SPTBN5: variants seen among roughly 807,000 people sequenced by gnomAD.
SPTBN5 encodes the protein spectrin beta, non-erythrocytic 5.
SPTBN5 carries 513 observed loss-of-function variants against 477.6 expected under a neutral mutation model. That is an observed-to-expected ratio of 1.07 (90% confidence interval 1.00 to 1.16). SPTBN5 has a LOEUF of 1.16. Among genes scored for constraint, SPTBN5 ranks in the 50% most tolerant of loss-of-function variants. SPTBN5 has a pLI of 0.00. For missense variants in SPTBN5, 5,062 were observed against 4,731.8 expected (o/e 1.07, Z -2.05); for synonymous variants, 2,169 against 2,011.7 (o/e 1.08, Z -2.09).
At chr15:41,880,066 G>T in intron 14 of SPTBN5, 94 bp downstream of exon 14, 1 of 1,466,102 alleles carries the variant, frequency 6.8e-7, no homozygotes, top group Non-Finnish European at 9.1e-7. Flanking sequence ...CCCCAGGCAG[G>T]ACGGTAGTTA....
chr15:41,860,378 G>A (rs1354187076), intron 47 of SPTBN5, among the ~76,000 whole-genome samples: 2 of 152,382 alleles, frequency 1.3e-5, no homozygotes, highest in East Asian at 1.9e-4. Context: ...AGAAGGAAGT[G>A]GGATTTTCCA....
chr15:41,865,885 C>T lies in SPTBN5; in HGVS notation c.6841G>A (p.Gly2281Ser), dbSNP rs2066288671. The T allele has an allele frequency of 6.3e-7, 1 of 1,582,474 alleles. No individual in the cohort carries two copies. The highest frequency in any genetic ancestry group is 8.6e-7 in the Non-Finnish European group (1 of 1,164,810). Residue 2281 changes from glycine (G) to serine (S), a missense_variant, in exon 39 of 68, where the codon GGT becomes AGT. Coordinates refer to ENST00000320955, the MANE Select transcript of SPTBN5 (RefSeq NM_016642.4). The part of the protein sequence containing the change: ...IQEKEVKMNV[G>S]DLGQDLEHCL... The stretch of plus-strand genomic sequence containing the variant: ...TGCTCCAGGTCCTGGCCCAGGTCAC[C>T]AACATTCATCTTCACCTCCTGTGAA...
intron 47 of SPTBN5, among the ~76,000 whole-genome samples, chr15:41,859,227 C>G (rs980604696): frequency 6.6e-6 from 1 of 152,132 alleles, no homozygotes; most frequent in Admixed American, 6.5e-5. Context: ...GGCACAATCT[C>G]GGCTCACTGC....
In SPTBN5 at chr15:41,865,896, T is replaced by G; in HGVS notation, c.6830A>C (p.Lys2277Thr). The G allele has an allele frequency of 1.9e-6, 3 of 1,579,674 alleles. No homozygotes were observed. Among genetic ancestry groups the G allele is most frequent in the Non-Finnish European group, 2.6e-6 (3 of 1,163,164 alleles). ...CTGGCCCAGGTCACCAACATTCATC[T>G]TCACCTCCTGTGAAGGCCGAGGGTG... ...AEAWIQEKEVKMNVGDLGQDL... is the reference protein window; with the variant it reads ...AEAWIQEKEVTMNVGDLGQDL... The change falls in exon 39 of 68, where the codon AAG becomes ACG. Residue 2277 changes from lysine to threonine, a missense_variant. Coordinates refer to ENST00000320955, the MANE Select transcript of SPTBN5 (RefSeq NM_016642.4).
rs764595912 is a variant in SPTBN5 at position 41,879,299 on chromosome 15, A to T, written c.3143T>A (p.Leu1048Gln). 1 of 1,611,844 alleles carries T rather than the reference A, an allele frequency of 6.2e-7. No homozygotes were observed. The highest frequency in any genetic ancestry group is 8.5e-7 in the Non-Finnish European group (1 of 1,179,844). The change falls in exon 16 of 68, where the codon CTG (leucine) becomes CAG (glutamine). Residue 1048 changes from leucine (L) to glutamine (Q), a missense_variant. Physicochemically the swap from Leu to Gln is moderately radical, Grantham distance 113 (BLOSUM62 -2). Transcript: ENST00000320955. ...TTGGAGGAAGTGGACCCTCCTCTCC[A>T]GCACCAGGGTCTTCTTCTGGGCCAG... ...LQLAQKKTLV[L>Q]ERRVHFLQSV...
chr15:41,868,442 G>C lies in SPTBN5; in HGVS notation c.6013C>G (p.Leu2005Val). The C allele has an allele frequency of 6.2e-7, 1 of 1,609,266 alleles. No individual in the cohort carries two copies. The highest frequency in any genetic ancestry group is 1.1e-5 in the South Asian group (1 of 90,924). Residue 2005 changes from leucine (L) to valine (V), a missense_variant, in exon 33 of 68, where the codon CTG (leucine) becomes GTG (valine). By Grantham distance (32) the Leu-to-Val change is conservative (BLOSUM62 1). Coordinates refer to ENST00000320955, the MANE Select transcript of SPTBN5 (RefSeq NM_016642.4). Reference protein sequence around the residue: ...REKLWQQATQLGQQALLAAGT... With the variant: ...REKLWQQATQVGQQALLAAGT... ...GCAGCAAGAAGTGCCTGCTGCCCCA[G>C]CTGGGTGGCCTGCTGCCACAGCTTC... is the stretch of plus-strand genomic sequence containing the variant.
In SPTBN5 at chr15:41,873,946, T is replaced by C. The variant is rs760247046; in HGVS notation, c.4789A>G (p.Ile1597Val). The change falls in exon 25 of 68, where the codon ATC (isoleucine) becomes GTC (valine). Residue 1597 changes from isoleucine to valine, a missense_variant. By Grantham distance (29) the Ile-to-Val change is conservative. Coordinates refer to ENST00000320955, the MANE Select transcript of SPTBN5 (RefSeq NM_016642.4). ...AASGHPQAQH[I>V]VEQCQELEGH... ...TCCAGCTCCTGGCACTGCTCCACGA[T>C]GTGTTGGGCTTGGGGGTGCCCTGAG... The C allele has an allele frequency of 5.0e-6, 8 of 1,609,820 alleles. No individual in the cohort carries two copies. In the South Asian group the frequency reaches 8.8e-5, roughly 18 times the overall value.
At chr15:41,861,659 T>C (rs1208390679) in intron 45 of SPTBN5, 76 bp downstream of exon 45, 1 of 1,503,838 alleles carries the variant, frequency 6.6e-7, no homozygotes. Flanking sequence ...GTCTTAGCCT[T>C]GACCAGAGGC....
At chr15:41,862,385 C>T in intron 43 of SPTBN5, 93 bp from the exon 44 acceptor site, 2 of 1,522,522 alleles carry the variant, frequency 1.3e-6, no homozygotes, top group Non-Finnish European at 1.8e-6. Flanking sequence ...CCCTCAACCA[C>T]AGGAGGGCCC....
chr15:41,865,882 C>G lies in SPTBN5; in HGVS notation c.6844G>C (p.Asp2282His). ...QEKEVKMNVG[D>H]LGQDLEHCLQ... is the part of the protein sequence containing the mutation. Reference sequence around the variant, plus strand: ...CAGTGCTCCAGGTCCTGGCCCAGGTCACCAACATTCATCTTCACCTCCTGT... The same window carrying G: ...CAGTGCTCCAGGTCCTGGCCCAGGTGACCAACATTCATCTTCACCTCCTGT... Residue 2282 changes from aspartate (D) to histidine (H), a missense_variant, in exon 39 of 68, where the codon GAC becomes CAC. Coordinates refer to ENST00000320955, the MANE Select transcript of SPTBN5 (RefSeq NM_016642.4). The G allele has an allele frequency of 1.3e-6, 2 of 1,582,786 alleles. No homozygotes were observed. Among genetic ancestry groups the G allele is most frequent in the South Asian group, 2.3e-5 (2 of 86,152 alleles).
intron 63 of SPTBN5, 58 bp from the exon 64 acceptor site, chr15:41,851,427 C>G (rs2065758076): frequency 8.2e-7 from 1 of 1,225,272 alleles, no homozygotes; most frequent in African/African-American, 1.5e-5. Context: ...AGAGCTAGGG[C>G]CTGTCCACGC....
At position 41,853,448 on chromosome 15, in the gene SPTBN5, C is replaced by T. The variant is rs1412156445; in HGVS notation, c.9981-1G>A. ...CTCCTGCCTCTCCTGTGCCCATGCT[C>T]TGTGGGGCAGGGAAGGGAGCTGTTG... On this transcript the variant is annotated splice_acceptor_variant, in intron 58 of 67. Transcript: ENST00000320955. LOFTEE classifies it high-confidence loss of function. The T allele has an allele frequency of 6.4e-7, 1 of 1,571,030 alleles. No individual in the cohort carries two copies. Among genetic ancestry groups the T allele is most frequent in the Non-Finnish European group, 8.7e-7 (1 of 1,151,518 alleles).
chr15:41,878,648 T>C lies in SPTBN5; in HGVS notation c.3183-19A>G. The C allele has an allele frequency of 6.2e-7, 1 of 1,602,394 alleles. No individual in the cohort carries two copies. The highest frequency in any genetic ancestry group is 8.5e-7 in the Non-Finnish European group (1 of 1,174,630). ...CTCGACCCTGGGAGACAGGGTGCGC[T>C]GCACAGTCAGTGCCCTGTCCTGGGC... On this transcript the variant is annotated intron_variant, in intron 16 of 67. Transcript: ENST00000320955.
At chr15:41,888,837 G>A (rs1283855083) in intron 4 of SPTBN5, among the ~76,000 whole-genome samples, 2 of 152,232 alleles carry the variant, frequency 1.3e-5, no homozygotes, top group Non-Finnish European at 2.9e-5. Flanking sequence ...CCCAGAGCTT[G>A]GGTAGGAAGG....
At position 41,865,918 on chromosome 15, in the gene SPTBN5, G is replaced by C. The variant is rs1484704663; in HGVS notation, c.6823-15C>G. On this transcript the variant is annotated splice_polypyrimidine_tract_variant and intron_variant, in intron 38 of 67. Transcript: ENST00000320955. ...ATCTTCACCTCCTGTGAAGGCCGAG[G>C]GTGGGGAGGGAGCGCTGTGAGCACC... 3.2e-6 allele frequency: 5 copies of C among 1,560,814 alleles called. No individual in the cohort carries two copies. The Admixed American group carries it at 5.7e-5, about 18-fold the overall frequency.
In SPTBN5 at chr15:41,893,532, G is replaced by C; in HGVS notation, c.-35C>G. 6.5e-7 allele frequency: 1 copy of C among 1,541,564 alleles called. No individual in the cohort carries two copies. The highest frequency in any genetic ancestry group is 1.2e-5 in the South Asian group (1 of 84,980). On this transcript the variant is annotated 5_prime_UTR_variant, in exon 2 of 68. In the 5' UTR this introduces an upstream ATG that the reference lacks. Transcript: ENST00000320955. ...AGACTTTGGGGATGAGGAGCTGCTG[G>C]ATGGCTCCCTAAACCTGGAGGGCAT...
chr15:41,858,275 G>A (rs570972322), intron 49 of SPTBN5, among the ~76,000 whole-genome samples: 11 of 152,372 alleles, frequency 7.2e-5, no homozygotes, highest in Admixed American at 1.3e-4. Context: ...TCCAGCCTGG[G>A]TGACAGAGCA....
At chr15:41,856,052 C>A (rs567278033) in intron 53 of SPTBN5, among the ~76,000 whole-genome samples, 2 of 152,272 alleles carry the variant, frequency 1.3e-5, no homozygotes, top group African/African-American at 2.4e-5. Flanking sequence ...TTCTCCCTTT[C>A]ACTTATTAGC....
chr15:41,874,002 C>A lies in SPTBN5; in HGVS notation c.4733G>T (p.Arg1578Leu). The change falls in exon 25 of 68, where the codon CGG (arginine) becomes CTG (leucine). Residue 1578 changes from arginine (R) to leucine (L), a missense_variant. By Grantham distance (102) the Arg-to-Leu change is moderately radical (BLOSUM62 -2). Coordinates refer to ENST00000320955, the MANE Select transcript of SPTBN5 (RefSeq NM_016642.4). ...EVKAHQGQVQ[R>L]VLSSGRSLAA... is the part of the protein sequence containing the mutation. ...CAGGCTCCGCCCAGAACTCAGCACC[C>A]GTTGCACCTGCCCCTGGTGAGCTTT... is the stretch of plus-strand genomic sequence containing the variant. 6.2e-7 allele frequency: 1 copy of A among 1,602,972 alleles called. No homozygotes were observed. The highest frequency in any genetic ancestry group is 2.2e-5 in the East Asian group (1 of 44,832).
Sources: allele counts gnomAD v4.1 joint callset (sites outside exome capture counted in the v4.1 genomes callset), GRCh38; gene constraint gnomAD v4.1.1; transcripts MANE v1.5; gene names NCBI Gene and HGNC (gene_info 2026-07-23, HGNC 2026-07-21).